The following MYH9 variants were observed in gnomAD, a reference collection of about 807,000 sequenced individuals.
MYH9 encodes the protein myosin-9.
In MYH9, 29 loss-of-function variants were observed where a neutral mutation model predicts 241.9. The ratio of observed to expected loss-of-function variants is 0.12; its 90% CI spans 0.09 to 0.16. MYH9 has a LOEUF of 0.16. Among genes scored for constraint, MYH9 ranks in the 10% least tolerant of loss-of-function variants. The pLI, the probability that MYH9 is intolerant of heterozygous loss-of-function variation, is 1.00. For missense variants in MYH9, 1,803 were observed against 2,595.5 expected, an observed-to-expected ratio of 0.69 and a Z score of 6.63; for synonymous variants, 1,047 against 1,062.6, an observed-to-expected ratio of 0.99 and a Z score of 0.29.
rs182946908 is a variant in MYH9, at chr22:36,347,215, T to G, written c.333+1689A>C. 4.6e-5 allele frequency among the ~76,000 whole-genome samples: 7 copies of G among 152,144 alleles called. No individual in the cohort carries two copies. In the East Asian group the frequency reaches 1.4e-3, roughly 30 times the overall value. ...GATGGACTGCGTTTCTGCATTTTCTTTCTTGCCAGAAGAAAGAAAATGACG... is the reference window on the plus strand; with the variant it reads ...GATGGACTGCGTTTCTGCATTTTCTGTCTTGCCAGAAGAAAGAAAATGACG... On this transcript the variant is annotated intron_variant, in intron 2 of 40. Coordinates refer to ENST00000216181, the MANE Select transcript of MYH9 (RefSeq NM_002473.6).
intron 35 of MYH9, among the ~76,000 whole-genome samples, 159 bp downstream of exon 35, chr22:36,286,559 A>T (rs1224136784): frequency 6.6e-6 from 1 of 152,194 alleles, no homozygotes; most frequent in African/African-American, 2.4e-5. Context: ...CCCGCTATGA[A>T]ACGGAACCCT....
intron 34 of MYH9, among the ~76,000 whole-genome samples, chr22:36,287,601 G>A (rs2016608284): frequency 6.6e-6 from 1 of 152,182 alleles, no homozygotes; most frequent in African/African-American, 2.4e-5. Context: ...AATTAGCCGG[G>A]CGTGGCGGCG....
chr22:36,309,190 A>G, intron 15 of MYH9, 92 bp downstream of exon 15: 1 of 1,049,316 alleles, frequency 9.5e-7, no homozygotes, highest in Non-Finnish European at 1.5e-6. Context: ...GCACATGTGT[A>G]CCCCTTGTTT....
At chr22:36,380,221 C>T (rs760311719) in intron 1 of MYH9, among the ~76,000 whole-genome samples, 14 of 152,176 alleles carry the variant, frequency 9.2e-5, no homozygotes, top group Admixed American at 3.9e-4. Flanking sequence ...ACAGCAGCGC[C>T]GGCAGCTCCT....
chr22:36,284,051 A>G (rs1176735996), intron 40 of MYH9, 42 bp downstream of exon 40: 2 of 1,524,996 alleles, frequency 1.3e-6, no homozygotes, highest in Non-Finnish European at 1.8e-6. Context: ...ACCTTTTGAG[A>G]GAAGTGCCGA....
chr22:36,325,708 C>T (rs2017325612), intron 5 of MYH9, among the ~76,000 whole-genome samples: 1 of 152,312 alleles, frequency 6.6e-6, no homozygotes, highest in Middle Eastern at 3.4e-3. Flanking sequence ...GGTCAGGTTC[C>T]GCATGGGACA....
chr22:36,361,683 C>A (rs985002779), intron 1 of MYH9, among the ~76,000 whole-genome samples: 66 of 152,124 alleles, frequency 4.3e-4, no homozygotes, highest in Non-Finnish European at 7.4e-5. Flanking sequence ...TAAACTGGGG[C>A]AGCTAACCCA....
In MYH9 at chr22:36,296,832, G is replaced by A. The variant is rs544793919; in HGVS notation, c.3272+11C>T. 2.2e-5 allele frequency: 35 copies of A among 1,600,032 alleles called. 1 individual carries two copies. The highest frequency in any genetic ancestry group is 1.1e-4 in the South Asian group (10 of 90,578). The stretch of plus-strand genomic sequence containing the variant: ...GCCACCTGGCCTCAGGCGGGCAGGC[G>A]GGGTCCTCACCTGGCCAGGGCGGCC... On this transcript the variant is annotated intron_variant, in intron 25 of 40. Coordinates refer to ENST00000216181, the MANE Select transcript of MYH9 (RefSeq NM_002473.6).
chr22:36,344,013 C>T (rs575676490), intron 2 of MYH9, among the ~76,000 whole-genome samples: 36 of 152,318 alleles, frequency 2.4e-4, no homozygotes, highest in Non-Finnish European at 4.6e-4. Flanking sequence ...AAGGGGACCA[C>T]GGGTCATTAG....
At position 36,348,848 on chromosome 22, in the gene MYH9, C is replaced by G. The variant is rs1009418393; in HGVS notation, c.333+56G>C. On this transcript the variant is annotated intron_variant, in intron 2 of 40. Transcript: ENST00000216181. ...AGGGTGATGGGAAGACCCGCCCCCC[C>G]CCCCCACCTCGGAGCCCTCAGACCC... The G allele has an allele frequency of 9.4e-5, 91 of 971,796 alleles. 6 individuals carry two copies. The highest frequency in any genetic ancestry group is 7.2e-4 in the South Asian group (51 of 71,128). 60.2% of individuals were successfully genotyped at this position (971,796 alleles called of 1,614,324 possible). A position where few individuals can be genotyped will look rare whatever the true frequency, so the allele number is the denominator to read the frequency against.
rs78686403 is a variant in MYH9, at chr22:36,326,780, G to A, written c.519-119C>T. ...GTTGGGTGCCCGTGAAGGACCCAAC[G>A]TGTGGCAGAAAACGGGACTGCCACA... On this transcript the variant is annotated intron_variant, in intron 4 of 40. Coordinates refer to ENST00000216181, the MANE Select transcript of MYH9 (RefSeq NM_002473.6). The A allele has an allele frequency of 2.5e-3, 2,111 of 835,994 alleles. 23 individuals carry two copies. In the African/African-American group the frequency reaches 0.03, roughly 12 times the overall value. The allele number at this position is 835,994 out of a possible 1,614,324, so 51.8% of individuals were successfully genotyped here.
intron 31 of MYH9, among the ~76,000 whole-genome samples, chr22:36,289,874 C>T (rs1391427254): frequency 1.3e-5 from 2 of 152,150 alleles, no homozygotes; most frequent in Non-Finnish European, 2.9e-5. Flanking sequence ...TTAGAGTATG[C>T]AGGCCCTACA....
chr22:36,323,946 C>T (rs2017295643), intron 5 of MYH9, among the ~76,000 whole-genome samples: 2 of 152,232 alleles, frequency 1.3e-5, no homozygotes, highest in Admixed American at 6.5e-5. Context: ...CCACAGGCCT[C>T]GGGCGGGCCT....
At chr22:36,375,720 A>G (rs2018155931) in intron 1 of MYH9, among the ~76,000 whole-genome samples, 1 of 152,138 alleles carries the variant, frequency 6.6e-6, no homozygotes, top group Non-Finnish European at 1.5e-5. Flanking sequence ...ATCCATGTAA[A>G]AGCCCTAGCA....
chr22:36,304,019 C>G lies in MYH9; in HGVS notation c.2366G>C (p.Cys789Ser). Residue 789 changes from cysteine (C) to serine (S), a missense_variant, in exon 19 of 41, where the codon TGC becomes TCC. Around this residue, in one of 11 missense-constraint regions of MYH9, gnomAD observed 72 missense variants for 83.3 expected, o/e 0.86. Transcript: ENST00000216181. ...ITDVIIGFQA[C>S]CRGYLARKAF... Reference sequence around the variant, plus strand: ...CTTCCTGGCCAGGTAGCCCCTGCAGCAGGCCTGGAACCCTATGATGACGTC... The same window carrying G: ...CTTCCTGGCCAGGTAGCCCCTGCAGGAGGCCTGGAACCCTATGATGACGTC... The G allele has an allele frequency of 6.2e-7, 1 of 1,613,740 alleles. No homozygotes were observed. Among genetic ancestry groups the G allele is most frequent in the Non-Finnish European group, 8.5e-7 (1 of 1,180,026 alleles).
In MYH9 at chr22:36,329,800, CACAT is replaced by C. The variant is rs1403234231; in HGVS notation, c.491-2316_491-2313del. ...ACGCACGCACAAGGGCATGGACACA[CACAT>C]AGACACGCAAGCATCTGTGCATACA... On this transcript the variant is annotated intron_variant, in intron 3 of 40. Coordinates refer to ENST00000216181, the MANE Select transcript of MYH9 (RefSeq NM_002473.6). This position sits in a 1 kb window ranked among gnomAD's most constrained non-coding sequence, Gnocchi z 4.1. Among the ~76,000 whole-genome samples the C allele has an allele frequency of 2.6e-5, 4 of 152,186 alleles. No individual in the cohort carries two copies. The highest frequency in any genetic ancestry group is 7.2e-5 in the African/African-American group (3 of 41,424).
At chr22:36,370,903 G>A (rs149563154) in intron 1 of MYH9, among the ~76,000 whole-genome samples, 164 of 152,324 alleles carry the variant, frequency 1.1e-3, no homozygotes, top group African/African-American at 3.6e-3. Context: ...CTTATCGGGA[G>A]TCCATCATGA....
chr22:36,317,967 C>T (rs2017185448), intron 11 of MYH9, among the ~76,000 whole-genome samples: 5 of 152,260 alleles, frequency 3.3e-5, no homozygotes, highest in Admixed American at 3.3e-4. Flanking sequence ...TAAAGAGGCA[C>T]AATGCAGTCT....
At chr22:36,345,311 CAAAAAA>C (rs61363468) in intron 2 of MYH9, among the ~76,000 whole-genome samples, 1 of 90,630 alleles carries the variant, frequency 1.1e-5, no homozygotes, top group Non-Finnish European at 2.3e-5. Context: ...GACTCCGTCT[CAAAAAA>C]AAAAAAAAAA....
Sources: gnomAD v4.1 joint callset for allele counts (sites outside exome capture counted in the v4.1 genomes callset) on GRCh38, gnomAD v4.1.1 for gene constraint, gnomAD v4.1.1 regional missense constraint, Gnocchi (gnomAD v3.1) non-coding constraint, MANE v1.5 for transcripts, NCBI Gene and HGNC (gene_info 2026-07-23, HGNC 2026-07-21) for gene names.